The following FHIT variants were observed in gnomAD, a reference collection of about 807,000 sequenced individuals.
FHIT encodes the protein fragile histidine triad diadenosine triphosphatase, also known as bis(5'-adenosyl)-triphosphatase.
FHIT carries 19 observed loss-of-function variants against 17.9 expected under a neutral mutation model. The observed-to-expected ratio is 1.06, with a 90% CI of 0.74 to 1.56. The LOEUF (loss-of-function observed/expected upper bound fraction) is 1.56. Ranked by LOEUF, FHIT falls within the 40% of genes most tolerant of loss-of-function variation. The pLI, the probability that FHIT is intolerant of heterozygous loss-of-function variation, is 0.00. For synonymous variants in FHIT, 81 were observed against 69.7 expected (o/e 1.16, Z -0.81); for missense variants, 248 against 189.2 (o/e 1.31, Z -1.82).
At chr3:59,796,452 C>G (rs1037001501) in intron 8 of FHIT, among the ~76,000 whole-genome samples, 3 of 152,150 alleles carry the variant, frequency 2.0e-5, no homozygotes, top group Non-Finnish European at 4.4e-5. Context: ...GGTCTCTCCT[C>G]GAATGTCAGT....
chr3:61,189,591 T>G (rs1371220663), intron 2 of FHIT, among the ~76,000 whole-genome samples: 1 of 152,156 alleles, frequency 6.6e-6, no homozygotes. Context: ...TACTTTAAAG[T>G]TCATATGGAA....
At chr3:60,682,128 C>G (rs367653872) in intron 4 of FHIT, among the ~76,000 whole-genome samples, 1 of 152,076 alleles carries the variant, frequency 6.6e-6, no homozygotes, top group East Asian at 1.9e-4. Context: ...CCCACCACTA[C>G]GCCCTGCTAA....
At chr3:60,092,882 G>C (rs1015087250) in intron 5 of FHIT, among the ~76,000 whole-genome samples, 1 of 152,178 alleles carries the variant, frequency 6.6e-6, no homozygotes, top group Non-Finnish European at 1.5e-5. Context: ...AGAGAAAATA[G>C]ATTGTGCATC....
At position 60,155,256 on chromosome 3, in the gene FHIT, C is replaced by T. The variant is rs917849555; in HGVS notation, c.104-141104G>A. On this transcript the variant is annotated intron_variant, in intron 5 of 9. Transcript: ENST00000492590. Reference sequence around the variant, plus strand: ...TGTGAAACAGAAAATCTCAGTCACACGGCTGTCAGTGCTTTTTCTTTCTCT... The same window carrying T: ...TGTGAAACAGAAAATCTCAGTCACATGGCTGTCAGTGCTTTTTCTTTCTCT... Among the ~76,000 whole-genome samples, 10 of 151,924 alleles carry T rather than the reference C, an allele frequency of 6.6e-5. 1 individual carries two copies. The highest frequency in any genetic ancestry group is 1.0e-4 in the Non-Finnish European group (7 of 68,010).
chr3:60,279,200 G>C (rs1707309627), intron 5 of FHIT, among the ~76,000 whole-genome samples: 3 of 152,052 alleles, frequency 2.0e-5, no homozygotes, highest in South Asian at 4.2e-4. Context: ...AAATGAAAGA[G>C]GGGTCATCAC....
At chr3:60,029,917 G>GTGTGTGTC (rs1700928581) in intron 5 of FHIT, among the ~76,000 whole-genome samples, 1 of 150,470 alleles carries the variant, frequency 6.6e-6, no homozygotes, top group Admixed American at 6.6e-5. Context: ...GTGTGTGTGT[G>GTGTGTGTC]TGTGTGTGTG....
intron 3 of FHIT, among the ~76,000 whole-genome samples, chr3:60,983,630 G>C (rs78383669): frequency 0.017 from 2,618 of 152,226 alleles, 83 homozygotes; most frequent in African/African-American, 0.06. Context: ...TAGTGACCTG[G>C]CTCTGTAACC....
At chr3:60,351,091 A>AGC (rs1699373711) in intron 5 of FHIT, among the ~76,000 whole-genome samples, 2 of 151,774 alleles carry the variant, frequency 1.3e-5, no homozygotes, top group African/African-American at 4.8e-5. Flanking sequence ...AGCAAAAAAA[A>AGC]GCCATTAACC....
At chr3:60,582,519 C>T (rs575436319) in intron 4 of FHIT, among the ~76,000 whole-genome samples, 4 of 152,026 alleles carry the variant, frequency 2.6e-5, no homozygotes, top group Non-Finnish European at 2.9e-5. Context: ...GAAATGAATG[C>T]GGATACAACC....
At chr3:60,355,556 T>C (rs1262453287) in intron 5 of FHIT, among the ~76,000 whole-genome samples, 1 of 152,060 alleles carries the variant, frequency 6.6e-6, no homozygotes, top group African/African-American at 2.4e-5. Flanking sequence ...TTAATGTTCC[T>C]AAATGAAATG....
At chr3:60,329,057 C>T (rs1351033425) in intron 5 of FHIT, among the ~76,000 whole-genome samples, 2 of 152,306 alleles carry the variant, frequency 1.3e-5, no homozygotes, top group East Asian at 3.9e-4. Flanking sequence ...CTTAGCAAAG[C>T]CTTTTGAATT....
At chr3:60,557,206 T>C (rs773429683) in intron 4 of FHIT, among the ~76,000 whole-genome samples, 23 of 152,150 alleles carry the variant, frequency 1.5e-4, no homozygotes, top group Non-Finnish European at 2.8e-4. Context: ...TTAAGTCCCT[T>C]GCCCAAGTAC....
At chr3:60,504,329 G>C (rs1039773699) in intron 5 of FHIT, among the ~76,000 whole-genome samples, 2 of 152,002 alleles carry the variant, frequency 1.3e-5, no homozygotes, top group African/African-American at 4.8e-5. Context: ...AGCTACTCGG[G>C]AGGCTGAGGC....
At chr3:60,976,440 T>A (rs1710255836) in intron 3 of FHIT, among the ~76,000 whole-genome samples, 1 of 151,924 alleles carries the variant, frequency 6.6e-6, no homozygotes, top group African/African-American at 2.4e-5. Context: ...CAATGCAAGC[T>A]CACCACCTCA....
At chr3:60,718,859 T>A (rs1399684027) in intron 4 of FHIT, among the ~76,000 whole-genome samples, 1 of 152,166 alleles carries the variant, frequency 6.6e-6, no homozygotes, top group African/African-American at 2.4e-5. Flanking sequence ...ATTACACCTC[T>A]CCAAGAAGAA....
chr3:60,293,805 A>G (rs1311850692), intron 5 of FHIT, among the ~76,000 whole-genome samples: 1 of 152,158 alleles, frequency 6.6e-6, no homozygotes, highest in Non-Finnish European at 1.5e-5. Context: ...AAGTTTAGAA[A>G]TTGGGCTTTC....
At chr3:60,423,515 C>G (rs893753494) in intron 5 of FHIT, among the ~76,000 whole-genome samples, 2 of 152,024 alleles carry the variant, frequency 1.3e-5, no homozygotes, top group Non-Finnish European at 2.9e-5. Flanking sequence ...AATGAGATAT[C>G]TTAGACTTCA....
At chr3:60,713,165 T>A (rs1446937182) in intron 4 of FHIT, among the ~76,000 whole-genome samples, 1 of 152,074 alleles carries the variant, frequency 6.6e-6, no homozygotes, top group African/African-American at 2.4e-5. Context: ...AACAACCTGT[T>A]CCTGAATGAC....
chr3:60,653,089 C>T (rs142427411), intron 4 of FHIT, among the ~76,000 whole-genome samples: 1 of 152,278 alleles, frequency 6.6e-6, no homozygotes, highest in East Asian at 1.9e-4. Flanking sequence ...TTGCCTCATT[C>T]TTTCACACAC....
Sources: allele counts gnomAD v4.1 joint callset (sites outside exome capture counted in the v4.1 genomes callset), GRCh38; gene constraint gnomAD v4.1.1; transcripts MANE v1.5; gene names NCBI Gene and HGNC (gene_info 2026-07-23, HGNC 2026-07-21).